FBXL17: variants seen among roughly 807,000 people sequenced by gnomAD.
FBXL17 encodes F-box/LRR-repeat protein 17.
In FBXL17, 22 loss-of-function variants were observed where a neutral mutation model predicts 66.2. That is an observed-to-expected ratio of 0.33 (90% CI 0.24 to 0.47). The LOEUF is 0.47. Ranked by LOEUF, FBXL17 falls within the 20% of genes least tolerant of loss-of-function variation. The pLI, the probability that FBXL17 is intolerant of heterozygous loss-of-function variation, is 1.00. For missense variants in FBXL17, 878 were observed against 948.2 expected, an observed-to-expected ratio of 0.93 and a Z score of 0.97; for synonymous variants, 474 against 400.5, an observed-to-expected ratio of 1.18 and a Z score of -2.19.
At chr5:108,045,007 C>T (rs1747199428) in intron 6 of FBXL17, among the ~76,000 whole-genome samples, 1 of 151,998 alleles carries the variant, frequency 6.6e-6, no homozygotes, top group African/African-American at 2.4e-5. Context: ...CTGACATTGG[C>T]AATTTGTATC....
chr5:107,913,587 A>G (rs573981153), intron 7 of FBXL17, among the ~76,000 whole-genome samples: 19 of 152,112 alleles, frequency 1.2e-4, no homozygotes, highest in South Asian at 8.3e-4. Context: ...GAATTTTTGA[A>G]CTTTAAGTGA....
intron 4 of FBXL17, among the ~76,000 whole-genome samples, chr5:108,269,251 C>T (rs1357773183): frequency 6.6e-6 from 1 of 152,004 alleles, no homozygotes; most frequent in African/African-American, 2.4e-5. Flanking sequence ...CAAGTGACTT[C>T]ACCTCAAAAT....
At chr5:108,035,013 A>T (rs1376790445) in intron 6 of FBXL17, among the ~76,000 whole-genome samples, 2 of 152,114 alleles carry the variant, frequency 1.3e-5, no homozygotes, top group Admixed American at 6.5e-5. Flanking sequence ...ACATTACATA[A>T]TTTTTTTCTA....
At chr5:108,114,168 C>A (rs1175292013) in intron 6 of FBXL17, among the ~76,000 whole-genome samples, 2 of 152,068 alleles carry the variant, frequency 1.3e-5, no homozygotes, top group Non-Finnish European at 2.9e-5. Flanking sequence ...GTACCCCTCC[C>A]GAAGAGTTTA....
chr5:108,086,196 G>A (rs1383855570), intron 6 of FBXL17, among the ~76,000 whole-genome samples: 1 of 151,422 alleles, frequency 6.6e-6, no homozygotes, highest in Non-Finnish European at 1.5e-5. Flanking sequence ...ATCCCAGACA[G>A]TAAAAACCTA....
At chr5:108,125,558 G>C (rs1324726422) in intron 6 of FBXL17, among the ~76,000 whole-genome samples, 3 of 152,030 alleles carry the variant, frequency 2.0e-5, no homozygotes, top group African/African-American at 7.2e-5. Context: ...TTATGTATTA[G>C]TAACGATAGG....
chr5:107,893,589 C>A (rs1749274063), intron 7 of FBXL17, among the ~76,000 whole-genome samples: 1 of 152,168 alleles, frequency 6.6e-6, no homozygotes, highest in Non-Finnish European at 1.5e-5. Context: ...CTGTCCCTGA[C>A]CCAAAACCAA....
intron 5 of FBXL17, among the ~76,000 whole-genome samples, chr5:108,188,881 A>G (rs1394417579): frequency 6.6e-6 from 1 of 152,206 alleles, no homozygotes; most frequent in Non-Finnish European, 1.5e-5. Flanking sequence ...AAGACAGACA[A>G]ATAAAATACA....
Position 108,092,891 on chromosome 5 carries a change from G to A in FBXL17, c.1746-71890C>T, listed in dbSNP as rs578056958. 2.0e-5 allele frequency among the ~76,000 whole-genome samples: 3 copies of A among 152,228 alleles called. No individual in the cohort carries two copies. The East Asian group carries it at 5.8e-4, about 29-fold the overall frequency. On this transcript the variant is annotated intron_variant, in intron 6 of 8. Coordinates refer to ENST00000542267, the MANE Select transcript of FBXL17 (RefSeq NM_001163315.3). The stretch of plus-strand genomic sequence containing the variant: ...TTGAGGAAAGAAAGGACAATGAATG[G>A]AGAGAGTGACTATGGTATACTCTCT...
rs541289705 is a variant in FBXL17 at position 108,206,658 on chromosome 5, A to G, written c.1614+17463T>C. On this transcript the variant is annotated intron_variant, in intron 5 of 8. Transcript: ENST00000542267. Reference sequence around the variant, plus strand: ...TTTTATCTGGCTTGTTATACTCAGCAAAATTATTTTGAGATTAATCCATGT... The same window carrying G: ...TTTTATCTGGCTTGTTATACTCAGCGAAATTATTTTGAGATTAATCCATGT... 2.0e-5 allele frequency among the ~76,000 whole-genome samples: 3 copies of G among 152,292 alleles called. No individual in the cohort carries two copies. In the East Asian group the frequency reaches 5.8e-4, roughly 29 times the overall value.
chr5:108,324,558 T>C (rs1451920660), intron 4 of FBXL17, among the ~76,000 whole-genome samples: 2 of 152,042 alleles, frequency 1.3e-5, no homozygotes, highest in African/African-American at 2.4e-5. Context: ...AATAGAATTA[T>C]ATTAAGATCC....
intron 4 of FBXL17, among the ~76,000 whole-genome samples, chr5:108,267,769 C>T (rs1757104749): frequency 1.3e-5 from 2 of 151,788 alleles, no homozygotes; most frequent in Non-Finnish European, 2.9e-5. Flanking sequence ...AAGTCAGATA[C>T]GAGGGTTAAA....
chr5:108,366,434 AT>A (rs1418926490), intron 2 of FBXL17, among the ~76,000 whole-genome samples: 3 of 152,092 alleles, frequency 2.0e-5, no homozygotes, highest in African/African-American at 7.2e-5. Flanking sequence ...ACAGCCAAAG[AT>A]AAAACTATCT....
intron 6 of FBXL17, among the ~76,000 whole-genome samples, chr5:108,153,488 C>T (rs1397851411): frequency 3.3e-5 from 5 of 152,026 alleles, no homozygotes; most frequent in African/African-American, 1.2e-4. Flanking sequence ...GCTCAATAAA[C>T]CTGATATTAA....
At chr5:108,334,618 T>A (rs1760290267) in intron 4 of FBXL17, among the ~76,000 whole-genome samples, 1 of 152,234 alleles carries the variant, frequency 6.6e-6, no homozygotes, top group Non-Finnish European at 1.5e-5. Flanking sequence ...AACCAAGCCT[T>A]CTTGAATGTG....
At position 107,997,927 on chromosome 5, in the gene FBXL17, A is replaced by G. The variant is rs143542736; in HGVS notation, c.1822+22998T>C. On this transcript the variant is annotated intron_variant, in intron 7 of 8. Coordinates refer to ENST00000542267, the MANE Select transcript of FBXL17 (RefSeq NM_001163315.3). ...CTGACAGCCATTTTCTCACGTTTCA[A>G]TAAATTTAGAATGAATCCTGAAGTG... 6.2e-3 allele frequency among the ~76,000 whole-genome samples: 940 copies of G among 152,342 alleles called. 10 individuals are homozygous for G. The highest frequency in any genetic ancestry group is 0.021 in the African/African-American group (853 of 41,578).
intron 6 of FBXL17, among the ~76,000 whole-genome samples, chr5:108,026,421 G>T (rs1025789012): frequency 2.0e-5 from 3 of 152,032 alleles, no homozygotes; most frequent in Non-Finnish European, 1.5e-5. Flanking sequence ...TTTTGTAAAT[G>T]CTCTTCTATT....
chr5:108,055,170 C>T (rs1346908763), intron 6 of FBXL17, among the ~76,000 whole-genome samples: 1 of 145,368 alleles, frequency 6.9e-6, no homozygotes, highest in Non-Finnish European at 1.5e-5. Flanking sequence ...AATAAAATAA[C>T]ATTATTATTG....
chr5:107,940,829 C>T (rs777256326), intron 7 of FBXL17, among the ~76,000 whole-genome samples: 9 of 152,114 alleles, frequency 5.9e-5, no homozygotes, highest in Non-Finnish European at 1.2e-4. Flanking sequence ...ACCTGGAGAA[C>T]TTTGAAAGAA....
Sources: gnomAD v4.1 joint callset for allele counts (sites outside exome capture counted in the v4.1 genomes callset) on GRCh38, gnomAD v4.1.1 for gene constraint, MANE v1.5 for transcripts, NCBI Gene and HGNC (gene_info 2026-07-23, HGNC 2026-07-21) for gene names.